SLC22A25: variants seen among roughly 807,000 people sequenced by gnomAD.
SLC22A25 encodes the protein solute carrier family 22 member 25, also known as MGI:2442751, MGI:2385316, MGI:3042283, MGI:3645714, MGI:3605624, MGI:2442750.
In SLC22A25, 44 loss-of-function variants were observed where a neutral mutation model predicts 45.9. The ratio of observed to expected loss-of-function variants is 0.96; its 90% CI spans 0.75 to 1.23. SLC22A25 has a LOEUF of 1.23. Ranked by LOEUF, SLC22A25 falls within the 50% of genes most tolerant of loss-of-function variation. The probability of loss-of-function intolerance (pLI) is 0.00; values close to 1 mark genes in which losing one functional copy is unlikely to be tolerated. For missense variants in SLC22A25, 800 were observed against 666.4 expected (o/e 1.20, Z -2.21); for synonymous variants, 283 against 238.6 (o/e 1.19, Z -1.72).
At chr11:63,214,736 C>T (rs2089666718) in intron 7 of SLC22A25, among the ~76,000 whole-genome samples, 1 of 151,482 alleles carries the variant, frequency 6.6e-6, no homozygotes, top group South Asian at 2.1e-4. Flanking sequence ...CACAGATCTC[C>T]CCCCACCCCA....
chr11:63,196,881 T>G (rs2089054406), intron 7 of SLC22A25, among the ~76,000 whole-genome samples: 1 of 152,222 alleles, frequency 6.6e-6, no homozygotes, highest in African/African-American at 2.4e-5. Flanking sequence ...CAAAATCTCC[T>G]TAAGCTGATA....
At chr11:63,231,716 G>A (rs538056933) in intron 3 of SLC22A25, among the ~76,000 whole-genome samples, 1 of 152,316 alleles carries the variant, frequency 6.6e-6, no homozygotes, top group South Asian at 2.1e-4. Flanking sequence ...CCATGCCTAT[G>A]TCCTGAATGG....
In SLC22A25 at chr11:63,217,663, A is replaced by G; in HGVS notation, c.579T>C (p.Ala193=). Residue 193 remains alanine, a synonymous_variant, in exon 6 of 12, where the codon GCT becomes GCC. Coordinates refer to ENST00000306494, the MANE Select transcript of SLC22A25 (RefSeq NM_199352.6). The part of the protein sequence containing the change: ...LAIVGTCAAF[A]PTILVYCSLR... The stretch of plus-strand genomic sequence containing the variant: ...GGGAGCAGTATACGAGGATGGTGGG[A>G]GCAAAGGCCGCACAGGTGCCTACAA... The G allele has an allele frequency of 6.2e-7, 1 of 1,614,012 alleles. No individual in the cohort carries two copies. The highest frequency in any genetic ancestry group is 1.1e-5 in the South Asian group (1 of 91,076).
chr11:63,178,502 AT>A (rs1379946853), intron 9 of SLC22A25, among the ~76,000 whole-genome samples: 1 of 150,342 alleles, frequency 6.7e-6, no homozygotes, highest in African/African-American at 2.4e-5. Context: ...TTTTGATAAT[AT>A]TTTAACTGGG....
At chr11:63,194,970 G>C (rs558125208) in intron 7 of SLC22A25, among the ~76,000 whole-genome samples, 11 of 107,628 alleles carry the variant, frequency 1.0e-4, no homozygotes, top group African/African-American at 3.8e-4. Context: ...TGATAAAACA[G>C]ACTTTAAACC....
Position 63,166,117 on chromosome 11 carries a change from G to T in SLC22A25, c.1212C>A (p.Ser404Arg). Reference protein sequence around the residue: ...CVAPWALNHMSRRLSQMLLMF... With the variant: ...CVAPWALNHMRRRLSQMLLMF... ...TGAGAAGCATCTGGCTTAGTCGACG[G>T]CTCATGTGATTCAGTGCCCAAGGTG... Residue 404 changes from serine (S) to arginine (R), a missense_variant, in exon 10 of 12, where the codon AGC becomes AGA. Ser to Arg is a moderately radical substitution (Grantham distance 110, BLOSUM62 -1). Transcript: ENST00000306494. 6.2e-7 allele frequency: 1 copy of T among 1,614,012 alleles called. No individual in the cohort carries two copies. The highest frequency in any genetic ancestry group is 8.5e-7 in the Non-Finnish European group (1 of 1,179,952).
chr11:63,229,702 A>G lies in SLC22A25; in HGVS notation c.-50T>C. On this transcript the variant is annotated 5_prime_UTR_variant, in exon 4 of 12. Coordinates refer to ENST00000306494, the MANE Select transcript of SLC22A25 (RefSeq NM_199352.6). Reference sequence around the variant, plus strand: ...GAGGAGACAAAATGACTGTATCCAGATAAGTTCAAAGAGAAAATATTTCCT... The same window carrying G: ...GAGGAGACAAAATGACTGTATCCAGGTAAGTTCAAAGAGAAAATATTTCCT... 6.5e-7 allele frequency: 1 copy of G among 1,543,782 alleles called. No homozygotes were observed. The highest frequency in any genetic ancestry group is 1.4e-5 in the African/African-American group (1 of 73,142).
Position 63,217,603 on chromosome 11 carries a change from G to A in SLC22A25, c.639C>T (p.Ile213=). 1 of 1,613,520 alleles carries A rather than the reference G, an allele frequency of 6.2e-7. No homozygotes were observed. Among genetic ancestry groups the A allele is most frequent in the East Asian group, 2.2e-5 (1 of 44,830 alleles). ...TACTTAACAAAACAGTATTTACAAT[G>A]ATGCTAAATGTAGCAGCCCCAGCCA... ...RFLAGAATFS[I]IVNTVLLIVE... The change falls in exon 6 of 12, where the codon ATC becomes ATT. Residue 213 remains isoleucine, a synonymous_variant. Coordinates refer to ENST00000306494, the MANE Select transcript of SLC22A25 (RefSeq NM_199352.6).
intron 5 of SLC22A25, chr11:63,219,956 G>T (rs2089813255): frequency 6.2e-6 from 8 of 1,289,148 alleles, no homozygotes; most frequent in African/African-American, 1.5e-5. Flanking sequence ...CTGGTGGATG[G>T]CAATGGGCAC....
At chr11:63,199,923 T>G (rs1004509243) in intron 7 of SLC22A25, among the ~76,000 whole-genome samples, 4 of 152,020 alleles carry the variant, frequency 2.6e-5, no homozygotes, top group Non-Finnish European at 4.4e-5. Flanking sequence ...AGACACCCAA[T>G]CTTGCAAGAT....
rs952736315 is a variant in SLC22A25, at chr11:63,159,473, T to C, written c.*4351A>G. On this transcript the variant is annotated 3_prime_UTR_variant, in exon 12 of 12. Coordinates refer to ENST00000306494, the MANE Select transcript of SLC22A25 (RefSeq NM_199352.6). ...GGGGAGTTTCCCTGCAGAAATTCTC[T>C]TTTCCCTGCTGCCATGTAAGTTGTG... Among the ~76,000 whole-genome samples the C allele has an allele frequency of 2.0e-5, 3 of 152,180 alleles. No individual in the cohort carries two copies. The highest frequency in any genetic ancestry group is 1.5e-5 in the Non-Finnish European group (1 of 68,042).
At chr11:63,234,151 G>C (rs902030551) in intron 3 of SLC22A25, among the ~76,000 whole-genome samples, 2 of 152,170 alleles carry the variant, frequency 1.3e-5, no homozygotes, top group African/African-American at 4.8e-5. Flanking sequence ...TGTCTATTAG[G>C]TCCGCTTGGT....
chr11:63,239,896 T>C (rs2090220252), intron 1 of SLC22A25, among the ~76,000 whole-genome samples: 1 of 152,206 alleles, frequency 6.6e-6, no homozygotes, highest in Admixed American at 6.5e-5. Context: ...AAGGGATAGG[T>C]ACTTAAATAT....
At chr11:63,185,647 C>T (rs1215684151) in intron 7 of SLC22A25, among the ~76,000 whole-genome samples, 102 of 147,806 alleles carry the variant, frequency 6.9e-4, no homozygotes, top group African/African-American at 2.4e-3. Context: ...CACCCACTAA[C>T]TCGTCATCTA....
rs925039509 is a variant in SLC22A25, at chr11:63,186,745, T to G, written c.831-2928A>C. On this transcript the variant is annotated intron_variant, in intron 7 of 11. Coordinates refer to ENST00000306494, the MANE Select transcript of SLC22A25 (RefSeq NM_199352.6). ...TATAAGGTGTAAGGAAGGGATCCAG[T>G]TTCAGCTTTCTACATATGGCTAGCC... 5.3e-5 allele frequency among the ~76,000 whole-genome samples: 8 copies of G among 152,170 alleles called. No individual in the cohort carries two copies. The East Asian group carries it at 9.6e-4, about 18-fold the overall frequency.
intron 10 of SLC22A25, among the ~76,000 whole-genome samples, chr11:63,164,862 A>G (rs1316741509): frequency 6.6e-6 from 1 of 152,226 alleles, no homozygotes; most frequent in Admixed American, 6.5e-5. Flanking sequence ...TGATGCTTCA[A>G]TTCTCACTAT....
intron 5 of SLC22A25, chr11:63,219,940 G>C (rs115563515): frequency 1.6e-6 from 2 of 1,289,240 alleles, no homozygotes; most frequent in African/African-American, 3.0e-5. Context: ...ACCAGAAGAC[G>C]TGATGCTGGT....
intron 5 of SLC22A25, among the ~76,000 whole-genome samples, chr11:63,223,628 CTCTGA>C (rs371419182): frequency 4.5e-3 from 678 of 151,686 alleles, no homozygotes; most frequent in Non-Finnish European, 7.0e-3. Flanking sequence ...TTTATTATTG[CTCTGA>C]TCTTTATTTT....
chr11:63,238,397 C>G lies in SLC22A25; in HGVS notation c.-577+320G>C, dbSNP rs985807898. Reference sequence around the variant, plus strand: ...GGGCATGGGGGTTTTGATCAACCTCCCAGTATTTTTAATTGCAACCACAGG... The same window carrying G: ...GGGCATGGGGGTTTTGATCAACCTCGCAGTATTTTTAATTGCAACCACAGG... On this transcript the variant is annotated intron_variant, in intron 2 of 11. Coordinates refer to ENST00000306494, the MANE Select transcript of SLC22A25 (RefSeq NM_199352.6). Among the ~76,000 whole-genome samples the G allele has an allele frequency of 1.2e-4, 12 of 103,928 alleles. No individual in the cohort carries two copies. In the South Asian group the frequency reaches 3.7e-3, roughly 32 times the overall value. 68.2% of individuals were successfully genotyped at this position (103,928 alleles called of 152,430 possible).
Sources: allele counts gnomAD v4.1 joint callset (sites outside exome capture counted in the v4.1 genomes callset), GRCh38; gene constraint gnomAD v4.1.1; transcripts MANE v1.5; gene names NCBI Gene and HGNC (gene_info 2026-07-23, HGNC 2026-07-21).